LIN54: variants seen among roughly 807,000 people sequenced by gnomAD.
LIN54 encodes protein lin-54 homolog.
LIN54 carries 9 observed loss-of-function variants against 78.7 expected under a neutral mutation model. That is an observed-to-expected ratio of 0.11 (90% CI 0.07 to 0.20). The LOEUF is 0.20. Ranked by LOEUF, LIN54 falls within the 10% of genes least tolerant of loss-of-function variation. The pLI, the probability that LIN54 is intolerant of heterozygous loss-of-function variation, is 1.00. For missense variants in LIN54, 573 were observed against 889.9 expected (o/e 0.64, Z 4.53); for synonymous variants, 269 against 318.4 (o/e 0.84, Z 1.65).
intron 1 of LIN54, among the ~76,000 whole-genome samples, chr4:83,001,864 TAGGA>T (rs1374923341): frequency 7.0e-5 from 1 of 14,204 alleles, no homozygotes; most frequent in African/African-American, 7.2e-4. Context: ...AAAAAAAGGA[TAGGA>T]AGGAAGGAAG....
intron 4 of LIN54, among the ~76,000 whole-genome samples, chr4:82,947,231 A>ATTTTTTTTT (rs1390095473): frequency 0.021 from 297 of 13,910 alleles, 1 homozygote; most frequent in Non-Finnish European, 0.041. Flanking sequence ...ATATATATAT[A>ATTTTTTTTT]TATATTTTTT....
intron 5 of LIN54, among the ~76,000 whole-genome samples, chr4:82,942,352 TA>T (rs768256749): frequency 1.3e-5 from 2 of 152,150 alleles, no homozygotes; most frequent in South Asian, 4.1e-4. Context: ...GTGAATATAC[TA>T]AAAACCAGTG....
At position 82,939,520 on chromosome 4, in the gene LIN54, C is replaced by T; in HGVS notation, c.1440+19G>A. 8 of 1,602,538 alleles carry T rather than the reference C, an allele frequency of 5.0e-6. No homozygotes were observed. Among genetic ancestry groups the T allele is most frequent in the Non-Finnish European group, 6.8e-6 (8 of 1,169,396 alleles). ...CATTATCACTTTTGCAATACAATGACTTCATTTTTTCCACATACCTGAGTA... is the reference window on the plus strand; with the variant it reads ...CATTATCACTTTTGCAATACAATGATTTCATTTTTTCCACATACCTGAGTA... On this transcript the variant is annotated intron_variant, in intron 7 of 12. Transcript: ENST00000340417.
At chr4:82,938,108 A>C (rs1423875400) in intron 8 of LIN54, among the ~76,000 whole-genome samples, 2 of 152,270 alleles carry the variant, frequency 1.3e-5, no homozygotes, top group African/African-American at 2.4e-5. Context: ...CCTGGGCAAC[A>C]GAGCAAGACC....
intron 1 of LIN54, among the ~76,000 whole-genome samples, chr4:83,007,265 T>C (rs1349420493): frequency 6.6e-6 from 1 of 152,138 alleles, no homozygotes; most frequent in East Asian, 1.9e-4. Flanking sequence ...TACCAAGGGA[T>C]AGGCATTGTA....
intron 1 of LIN54, chr4:83,003,537 T>G (rs1729043014): frequency 6.6e-6 from 1 of 151,986 alleles, no homozygotes; most frequent in African/African-American, 2.4e-5. Context: ...AAACAATAAA[T>G]TTTTTCTGAG....
At position 83,010,557 on chromosome 4, in the gene LIN54, C is replaced by A. The variant is rs1729786763; in HGVS notation, c.-106G>T. 2 of 1,212,518 alleles carry A rather than the reference C, an allele frequency of 1.6e-6. No individual in the cohort carries two copies. Among genetic ancestry groups the A allele is most frequent in the African/African-American group, 1.6e-5 (1 of 63,532 alleles). The allele number at this position is 1,212,518 out of a possible 1,614,324, so 75.1% of individuals were successfully genotyped here. On this transcript the variant is annotated 5_prime_UTR_variant, in exon 1 of 13. Coordinates refer to ENST00000340417, the MANE Select transcript of LIN54 (RefSeq NM_194282.4). Reference sequence around the variant, plus strand: ...CCAGAAGGTCCTGGGCAATCCCGAGCCCCGGCGGGGCTTGTTTTGCCCGTG... The same window carrying A: ...CCAGAAGGTCCTGGGCAATCCCGAGACCCGGCGGGGCTTGTTTTGCCCGTG...
intron 2 of LIN54, 90 bp from the exon 3 acceptor site, chr4:82,979,096 C>T (rs1726407323): frequency 1.0e-6 from 1 of 960,954 alleles, no homozygotes; most frequent in Non-Finnish European, 1.5e-6. Context: ...CAAAGTAGCA[C>T]ATGTAAAACC....
intron 12 of LIN54, among the ~76,000 whole-genome samples, chr4:82,929,024 C>T (rs1007078393): frequency 1.3e-5 from 2 of 152,296 alleles, no homozygotes; most frequent in Non-Finnish European, 2.9e-5. Flanking sequence ...AAACCACTAA[C>T]TCAACAACCT....
Position 82,925,638 on chromosome 4 carries a change from A to T in LIN54, c.*2464T>A, listed in dbSNP as rs1721403031. ...TCAGAAGTAATGTCAAATTTACTTCAGATAATTTAAAAGGTTTTTTGCATA... is the reference window on the plus strand; with the variant it reads ...TCAGAAGTAATGTCAAATTTACTTCTGATAATTTAAAAGGTTTTTTGCATA... On this transcript the variant is annotated 3_prime_UTR_variant, in exon 13 of 13. Transcript: ENST00000340417. 1 of 152,700 alleles carries T rather than the reference A, an allele frequency of 6.5e-6. No homozygotes were observed. The highest frequency in any genetic ancestry group is 1.5e-5 in the Non-Finnish European group (1 of 68,050). 9.5% of individuals were successfully genotyped at this position (152,700 alleles called of 1,614,324 possible).
chr4:82,975,745 A>C (rs1279916620), intron 3 of LIN54, among the ~76,000 whole-genome samples: 1 of 152,110 alleles, frequency 6.6e-6, no homozygotes, highest in East Asian at 1.9e-4. Context: ...GAACAAAAAA[A>C]CAAAAAAAAC....
chr4:82,966,311 G>A (rs998952996), intron 4 of LIN54, among the ~76,000 whole-genome samples: 11 of 152,078 alleles, frequency 7.2e-5, no homozygotes, highest in Non-Finnish European at 1.5e-5. Context: ...TATGAGATAG[G>A]ATGGGATATT....
intron 1 of LIN54, among the ~76,000 whole-genome samples, chr4:83,007,465 T>C (rs1729497581): frequency 6.6e-6 from 1 of 152,214 alleles, no homozygotes; most frequent in African/African-American, 2.4e-5. Context: ...TAATAACATC[T>C]CTGAGCTTCA....
intron 5 of LIN54, among the ~76,000 whole-genome samples, chr4:82,945,888 T>C (rs1723314146): frequency 6.6e-6 from 1 of 152,226 alleles, no homozygotes; most frequent in African/African-American, 2.4e-5. Flanking sequence ...TGCCTATTTG[T>C]CATTTCAACT....
chr4:82,944,364 C>T (rs1560729758), intron 5 of LIN54, among the ~76,000 whole-genome samples: 1 of 152,178 alleles, frequency 6.6e-6, no homozygotes, highest in East Asian at 1.9e-4. Flanking sequence ...ATAATGACTG[C>T]TTTCTATCAT....
At chr4:82,959,219 T>C (rs2126059541) in intron 4 of LIN54, among the ~76,000 whole-genome samples, 1 of 152,260 alleles carries the variant, frequency 6.6e-6, no homozygotes, top group South Asian at 2.1e-4. Context: ...GCTGTAGAGC[T>C]GATGGTGGTG....
chr4:82,938,133 A>G (rs1177583386), intron 8 of LIN54, among the ~76,000 whole-genome samples: 1 of 152,218 alleles, frequency 6.6e-6, no homozygotes, highest in Admixed American at 6.5e-5. Flanking sequence ...CTTGAAAAAT[A>G]AAGATAAAAA....
chr4:82,940,849 A>G (rs1001375147), intron 5 of LIN54, among the ~76,000 whole-genome samples: 11 of 152,186 alleles, frequency 7.2e-5, no homozygotes, highest in African/African-American at 2.7e-4. Context: ...CTGTATCCTC[A>G]TCTGCAATAT....
chr4:82,988,542 G>A (rs919963498), intron 1 of LIN54, among the ~76,000 whole-genome samples: 9 of 152,182 alleles, frequency 5.9e-5, no homozygotes, highest in Non-Finnish European at 1.3e-4. Context: ...TTTCTTTTGA[G>A]TAAATATCTA....
Sources: allele counts gnomAD v4.1 joint callset (sites outside exome capture counted in the v4.1 genomes callset), GRCh38; gene constraint gnomAD v4.1.1; transcripts MANE v1.5; gene names NCBI Gene and HGNC (gene_info 2026-07-23, HGNC 2026-07-21).